The following LHFPL4 variants were observed in gnomAD, a reference collection of about 807,000 sequenced individuals.
LHFPL4 encodes the protein LHFPL tetraspan subfamily member 4, also known as LHFPL tetraspan subfamily member 4 protein.
LHFPL4 carries 6 observed loss-of-function variants against 20.0 expected under a neutral mutation model. The ratio of observed to expected loss-of-function variants is 0.30; its 90% CI spans 0.16 to 0.59. The LOEUF is 0.59. Among genes scored for constraint, LHFPL4 ranks in the 20% least tolerant of loss-of-function variants. The pLI, the probability that LHFPL4 is intolerant of heterozygous loss-of-function variation, is 0.88. For missense variants in LHFPL4, 215 were observed against 331.2 expected (o/e 0.65, Z 2.72); for synonymous variants, 129 against 143.8 (o/e 0.90, Z 0.74).
intron 2 of LHFPL4, among the ~76,000 whole-genome samples, chr3:9,519,578 G>T (rs934217589): frequency 2.0e-5 from 3 of 151,428 alleles, no homozygotes; most frequent in Non-Finnish European, 4.4e-5. Flanking sequence ...CTCTTTTTTT[G>T]AGACAGAATC....
chr3:9,524,783 GT>G (rs1368849084), intron 2 of LHFPL4, among the ~76,000 whole-genome samples: 1 of 152,142 alleles, frequency 6.6e-6, no homozygotes, highest in African/African-American at 2.4e-5. Context: ...TTCAAACTGT[GT>G]TTTTGCCTTT....
At chr3:9,509,127 A>G (rs779615995) in intron 2 of LHFPL4, among the ~76,000 whole-genome samples, 3 of 152,126 alleles carry the variant, frequency 2.0e-5, no homozygotes, top group Non-Finnish European at 4.4e-5. Flanking sequence ...CTGAGGCCTC[A>G]GGGAGGTTTT....
chr3:9,527,762 A>T (rs1443069198), intron 2 of LHFPL4, among the ~76,000 whole-genome samples: 9 of 151,904 alleles, frequency 5.9e-5, no homozygotes, highest in African/African-American at 1.9e-4. Context: ...TAATTTTTTT[A>T]AAAACCCAGA....
At chr3:9,509,464 C>T (rs1038946347) in intron 2 of LHFPL4, among the ~76,000 whole-genome samples, 1 of 152,148 alleles carries the variant, frequency 6.6e-6, no homozygotes, top group African/African-American at 2.4e-5. Context: ...TCCTGCATGC[C>T]CACTATGTGC....
intron 2 of LHFPL4, among the ~76,000 whole-genome samples, chr3:9,548,259 T>C (rs1247290768): frequency 6.6e-6 from 1 of 152,216 alleles, no homozygotes; most frequent in African/African-American, 2.4e-5. Flanking sequence ...CACAAGATTG[T>C]TGTGAGTATC....
intron 2 of LHFPL4, among the ~76,000 whole-genome samples, chr3:9,512,063 G>C (rs2046264637): frequency 6.6e-6 from 1 of 152,044 alleles, no homozygotes; most frequent in South Asian, 2.1e-4. Flanking sequence ...CTGCCGAATA[G>C]CTGGGACTAC....
In LHFPL4 at chr3:9,552,400, C is replaced by A. The variant is rs1023510712; in HGVS notation, c.280G>T (p.Ala94Ser). The A allele has an allele frequency of 6.2e-7, 1 of 1,613,814 alleles. No homozygotes were observed. Among genetic ancestry groups the A allele is most frequent in the African/African-American group, 1.3e-5 (1 of 74,946 alleles). The change falls in exon 2 of 4, where the codon GCG becomes TCG. Residue 94 changes from alanine (A) to serine (S), a missense_variant. This residue lies in a region of LHFPL4 where 164 missense variants were observed against 286.7 expected (regional missense o/e 0.57). Coordinates refer to ENST00000287585, the MANE Select transcript of LHFPL4 (RefSeq NM_198560.3). Reference sequence around the variant, plus strand: ...GAGAGCAGCACGAAGAAGGCGGCCGCCTTGAAGGCGCTGGACGGGATGGTG... The same window carrying A: ...GAGAGCAGCACGAAGAAGGCGGCCGACTTGAAGGCGCTGGACGGGATGGTG... ...FSTIPSSAFKAAAFFVLLSMV... is the reference protein window; with the variant it reads ...FSTIPSSAFKSAAFFVLLSMV...
intron 2 of LHFPL4, among the ~76,000 whole-genome samples, chr3:9,512,285 G>A (rs1392128197): frequency 6.6e-6 from 1 of 152,198 alleles, no homozygotes; most frequent in African/African-American, 2.4e-5. Flanking sequence ...TTCTTCCCCT[G>A]TGAAATGAGG....
chr3:9,552,759 G>A lies in LHFPL4; in HGVS notation c.-80C>T. ...GGACGGAGCGCCGGGCTGCCGGGCG[G>A]GAGCTGGGGACGCACGCGAGAAGCG... On this transcript the variant is annotated 5_prime_UTR_variant, in exon 2 of 4. Transcript: ENST00000287585. 1.1e-6 allele frequency: 1 copy of A among 879,796 alleles called. No individual in the cohort carries two copies. The highest frequency in any genetic ancestry group is 1.4e-6 in the Non-Finnish European group (1 of 708,806). 54.5% of individuals were successfully genotyped at this position (879,796 alleles called of 1,614,324 possible).
In LHFPL4 at chr3:9,521,001, G is replaced by T. The variant is rs182634599; in HGVS notation, c.407-14798C>A. Among the ~76,000 whole-genome samples the T allele has an allele frequency of 4.0e-3, 604 of 152,156 alleles. 1 individual carries two copies. The highest frequency in any genetic ancestry group is 0.017 in the Middle Eastern group (5 of 294). On this transcript the variant is annotated intron_variant, in intron 2 of 3. Transcript: ENST00000287585. Reference sequence around the variant, plus strand: ...GGATTTTTCCATTTCTGATAGAGAGGTCTCGAAGTCTCCAACTACAAGAGT... The same window carrying T: ...GGATTTTTCCATTTCTGATAGAGAGTTCTCGAAGTCTCCAACTACAAGAGT...
chr3:9,503,471 C>T (rs1010315426), intron 3 of LHFPL4, among the ~76,000 whole-genome samples: 2 of 152,168 alleles, frequency 1.3e-5, no homozygotes, highest in Non-Finnish European at 2.9e-5. Flanking sequence ...TAGAACCTGC[C>T]TCTGAGTACA....
At chr3:9,530,871 T>C (rs2046404364) in intron 2 of LHFPL4, among the ~76,000 whole-genome samples, 1 of 152,156 alleles carries the variant, frequency 6.6e-6, no homozygotes, top group African/African-American at 2.4e-5. Flanking sequence ...AGTGCTGGGA[T>C]AACAAGCGTG....
rs1159386685 is a variant in LHFPL4 at position 9,502,539 on chromosome 3, C to CA, written c.644-229dup. 2.6e-5 allele frequency among the ~76,000 whole-genome samples: 4 copies of CA among 152,002 alleles called. No individual in the cohort carries two copies. The East Asian group carries it at 7.7e-4, about 29-fold the overall frequency. On this transcript the variant is annotated intron_variant, in intron 3 of 3. Transcript: ENST00000287585. ...CAACATGGCACAACCCTGTCTTTAC[C>CA]AAAAATACAAAAAATTAGCCGGGCA...
At chr3:9,516,425 C>T (rs766193338) in intron 2 of LHFPL4, among the ~76,000 whole-genome samples, 2 of 151,972 alleles carry the variant, frequency 1.3e-5, no homozygotes, top group Non-Finnish European at 2.9e-5. Flanking sequence ...GCTCTCCATT[C>T]TGTCCTATCA....
At chr3:9,526,386 A>T (rs747267400) in intron 2 of LHFPL4, among the ~76,000 whole-genome samples, 6 of 152,214 alleles carry the variant, frequency 3.9e-5, no homozygotes, top group Non-Finnish European at 8.8e-5. Context: ...GATAAATTTT[A>T]TGTCATGTGT....
chr3:9,529,944 T>C (rs1398642713), intron 2 of LHFPL4, among the ~76,000 whole-genome samples: 2 of 149,680 alleles, frequency 1.3e-5, no homozygotes, highest in African/African-American at 2.5e-5. Context: ...TTTTTTTTTT[T>C]CCTATCCTGA....
At chr3:9,527,697 ATGT>A (rs1477448715) in intron 2 of LHFPL4, among the ~76,000 whole-genome samples, 2 of 152,262 alleles carry the variant, frequency 1.3e-5, no homozygotes, top group East Asian at 3.9e-4. Context: ...ACAGAGCCAG[ATGT>A]TGTCTGAAAA....
chr3:9,548,924 G>A (rs965216823), intron 2 of LHFPL4, among the ~76,000 whole-genome samples: 4 of 152,174 alleles, frequency 2.6e-5, no homozygotes, highest in Admixed American at 6.5e-5. Context: ...TCTACTAGTA[G>A]CCTTATTTGT....
chr3:9,541,742 A>G (rs1474213199), intron 2 of LHFPL4, among the ~76,000 whole-genome samples: 15 of 152,126 alleles, frequency 9.9e-5, no homozygotes, highest in Non-Finnish European at 2.2e-4. Flanking sequence ...ACTGCACTCC[A>G]GCGTGGGTGA....
Sources: allele counts gnomAD v4.1 joint callset (sites outside exome capture counted in the v4.1 genomes callset), GRCh38; gene constraint gnomAD v4.1.1; regional missense constraint gnomAD v4.1.1; transcripts MANE v1.5; gene names NCBI Gene and HGNC (gene_info 2026-07-23, HGNC 2026-07-21).